FBN3: variants seen among roughly 807,000 people sequenced by gnomAD.
FBN3 encodes fibrillin 3, also known as fibrillin-3.
Under a neutral mutation model 330.1 loss-of-function variants are expected in FBN3, and 234 were observed. The ratio of observed to expected loss-of-function variants is 0.71; its 90% CI spans 0.64 to 0.79. FBN3 has a LOEUF of 0.79. Ranked by LOEUF, FBN3 falls within the 30% of genes least tolerant of loss-of-function variation. FBN3 has a pLI of 0.00. For synonymous variants in FBN3, 1,458 were observed against 1,517.3 expected (o/e 0.96, Z 0.91); for missense variants, 3,606 against 3,886.9 (o/e 0.93, Z 1.92).
chr19:8,099,733 A>G (rs1172803507), intron 41 of FBN3, among the ~76,000 whole-genome samples: 2 of 152,020 alleles, frequency 1.3e-5, no homozygotes, highest in African/African-American at 4.8e-5. Flanking sequence ...TATTCTGGCC[A>G]GGCTCAGTGG....
rs1408825398 is a variant in FBN3 at position 8,096,983 on chromosome 19, C to A, written c.5311G>T (p.Glu1771Ter). 3 of 1,613,576 alleles carry A rather than the reference C, an allele frequency of 1.9e-6. No individual in the cohort carries two copies. Among genetic ancestry groups the A allele is most frequent in the Non-Finnish European group, 2.5e-6 (3 of 1,180,000 alleles). Residue 1771 changes from glutamate to a stop codon, truncating the protein, a stop_gained, in exon 43 of 64, where the codon GAG (glutamate) becomes TAG (stop). Transcript: ENST00000600128. LOFTEE classifies it high-confidence loss of function. This position sits in a 1 kb window ranked among gnomAD's most constrained non-coding sequence, Gnocchi z 4.6. ...CEDVDECGSR[E>*]SPCQQNADCI... ...TCAGCATTCTGCTGGCAGGGACTCT[C>A]CCTGCTGCCACACTCATCGACATCT...
chr19:8,071,634 A>AG (rs34562607), intron 63 of FBN3, among the ~76,000 whole-genome samples: 47,647 of 152,070 alleles, frequency 0.31, 9,025 homozygotes, highest in Middle Eastern at 0.45. Flanking sequence ...AAATCCCAAA[A>AG]GGTCCCAAGG....
Position 8,075,422 on chromosome 19 carries a change from G to T in FBN3, c.7454-11C>A. The T allele has an allele frequency of 6.2e-7, 1 of 1,609,286 alleles. No homozygotes were observed. Among genetic ancestry groups the T allele is most frequent in the South Asian group, 1.1e-5 (1 of 90,772 alleles). On this transcript the variant is annotated splice_polypyrimidine_tract_variant and intron_variant, in intron 59 of 63. Transcript: ENST00000600128. The stretch of plus-strand genomic sequence containing the variant: ...AGCACTCATCATTGTCTGCAGAGGA[G>T]AGAGATCAGGCAGGGTTGCCTGCTG...
chr19:8,143,778 C>G (rs571284365), intron 6 of FBN3, among the ~76,000 whole-genome samples: 46,121 of 149,792 alleles, frequency 0.31, 7,827 homozygotes, highest in South Asian at 0.48. Flanking sequence ...CAGGCATGAG[C>G]CACAGTGCCT....
In FBN3 at chr19:8,130,608, GAAA is replaced by G. The variant is rs1333765803; in HGVS notation, c.2044+624_2044+626del. 5.0e-3 allele frequency among the ~76,000 whole-genome samples: 41 copies of G among 8,160 alleles called. 12 individuals carry two copies. The highest frequency in any genetic ancestry group is 0.019 in the African/African-American group (20 of 1,036). The allele number at this position is 8,160 out of a possible 152,430, so 5.4% of individuals were successfully genotyped here. On this transcript the variant is annotated intron_variant, in intron 16 of 63. Transcript: ENST00000600128. The stretch of plus-strand genomic sequence containing the variant: ...TGAAAGAAAGAAAGAAAGAAAGAAA[GAAA>G]GAAAGAAAGAAAGAAAGAAAGAAAG...
At chr19:8,067,245 C>G (rs530302894) in intron 63 of FBN3, among the ~76,000 whole-genome samples, 1 of 151,690 alleles carries the variant, frequency 6.6e-6, no homozygotes, top group East Asian at 1.9e-4. Context: ...CCTGCCTCAG[C>G]CTCCCAAGTA....
In FBN3 at chr19:8,129,320, ACGCCATTGG is replaced by A. The variant is rs779993932; in HGVS notation, c.2081_2089del (p.Ala694_Gly696del). 2 of 1,614,186 alleles carry A rather than the reference ACGCCATTGG, an allele frequency of 1.2e-6. No homozygotes were observed. Among genetic ancestry groups the A allele is most frequent in the South Asian group, 2.2e-5 (2 of 91,086 alleles). Reference sequence around the variant, plus strand: ...GTAGCTGCCCCGAAGGTTCTCGCACACGCCATTGGCACAAACCTCAGGATCCAGAGCACA... The same window carrying A: ...GTAGCTGCCCCGAAGGTTCTCGCACACACAAACCTCAGGATCCAGAGCACA... On this transcript the variant is annotated inframe_deletion, in exon 17 of 64. Coordinates refer to ENST00000600128, the MANE Select transcript of FBN3 (RefSeq NM_032447.5). This position sits in a 1 kb window ranked among gnomAD's most constrained non-coding sequence, Gnocchi z 4.5.
intron 33 of FBN3, 35 bp downstream of exon 33, chr19:8,111,023 C>T (rs2082568363): frequency 6.2e-7 from 1 of 1,613,828 alleles, no homozygotes; most frequent in Non-Finnish European, 8.5e-7. Flanking sequence ...GGGACCTACC[C>T]ACTCTGTCCT....
intron 21 of FBN3, 22 bp from the exon 22 acceptor site, chr19:8,126,039 C>T: frequency 6.2e-7 from 1 of 1,613,690 alleles, no homozygotes; most frequent in Non-Finnish European, 8.5e-7. Context: ...GGAGGGAAAG[C>T]CGGAGGGTCC....
Position 8,118,967 on chromosome 19 carries a change from G to A in FBN3, c.3267C>T (p.Asn1089=). ...ACTGGCACTTGTAGCTCCCATCCGTGTTGGTGCAAGTGCCTCCCCGGCAGA... is the reference window on the plus strand; with the variant it reads ...ACTGGCACTTGTAGCTCCCATCCGTATTGGTGCAAGTGCCTCCCCGGCAGA... ...PLLCRGGTCT[N]TDGSYKCQCP... The change falls in exon 26 of 64, where the codon AAC becomes AAT. Residue 1089 remains asparagine (N), a synonymous_variant. Coordinates refer to ENST00000600128, the MANE Select transcript of FBN3 (RefSeq NM_032447.5). 1 of 1,612,670 alleles carries A rather than the reference G, an allele frequency of 6.2e-7. No individual in the cohort carries two copies. The highest frequency in any genetic ancestry group is 8.5e-7 in the Non-Finnish European group (1 of 1,178,774).
chr19:8,132,446 G>T (rs932731334), intron 14 of FBN3, among the ~76,000 whole-genome samples: 6 of 151,912 alleles, frequency 3.9e-5, no homozygotes, highest in African/African-American at 1.5e-4. Flanking sequence ...CTCCCAAAGT[G>T]CTGGGATCAC....
At position 8,075,422 on chromosome 19, in the gene FBN3, G is replaced by A. The variant is rs2081618114; in HGVS notation, c.7454-11C>T. The stretch of plus-strand genomic sequence containing the variant: ...AGCACTCATCATTGTCTGCAGAGGA[G>A]AGAGATCAGGCAGGGTTGCCTGCTG... On this transcript the variant is annotated splice_polypyrimidine_tract_variant and intron_variant, in intron 59 of 63. Transcript: ENST00000600128. The A allele has an allele frequency of 6.2e-7, 1 of 1,609,168 alleles. No homozygotes were observed. Among genetic ancestry groups the A allele is most frequent in the African/African-American group, 1.3e-5 (1 of 74,854 alleles).
Position 8,138,195 on chromosome 19 carries a change from G to A in FBN3, c.1147C>T (p.His383Tyr), listed in dbSNP as rs2083330251. The change falls in exon 10 of 64, where the codon CAT (histidine) becomes TAT (tyrosine). Residue 383 changes from histidine to tyrosine, a missense_variant. Transcript: ENST00000600128. ...PPLGPARLNP[H>Y]GSDARGIPSL... ...GGGATCCCACGCGCATCAGAGCCAT[G>A]GGGGTTGAGTCGCGCTGGCCCAAGA... 2 of 1,613,076 alleles carry A rather than the reference G, an allele frequency of 1.2e-6. No homozygotes were observed. The highest frequency in any genetic ancestry group is 8.5e-7 in the Non-Finnish European group (1 of 1,179,678).
chr19:8,139,947 T>G (rs2083374665), intron 8 of FBN3, among the ~76,000 whole-genome samples: 1 of 151,820 alleles, frequency 6.6e-6, no homozygotes, highest in Non-Finnish European at 1.5e-5. Flanking sequence ...CCCTTGCACC[T>G]GGGGGCCCCC....
chr19:8,116,286 GTC>G (rs1274393754), intron 29 of FBN3, among the ~76,000 whole-genome samples: 14 of 152,236 alleles, frequency 9.2e-5, no homozygotes, highest in African/African-American at 3.1e-4. Context: ...AGAGTTCTGA[GTC>G]TCTTTCCTGC....
intron 13 of FBN3, among the ~76,000 whole-genome samples, chr19:8,135,513 G>GTGAT (rs1160530793): frequency 5.3e-5 from 8 of 151,768 alleles, no homozygotes; most frequent in Non-Finnish European, 1.0e-4. Flanking sequence ...CCTGACCTCG[G>GTGAT]CCTCCCAAAG....
intron 7 of FBN3, 23 bp from the exon 8 acceptor site, chr19:8,141,865 G>C (rs747120683): frequency 7.4e-6 from 12 of 1,612,876 alleles, no homozygotes; most frequent in Admixed American, 1.7e-5. Context: ...AGCCCGGCAG[G>C]GGAGTGAGAG....
At chr19:8,114,829 C>T (rs1023731026) in intron 30 of FBN3, among the ~76,000 whole-genome samples, 6 of 151,962 alleles carry the variant, frequency 3.9e-5, no homozygotes, top group African/African-American at 1.4e-4. Flanking sequence ...GCAAGCTTCG[C>T]CTCCTGGGTT....
intron 57 of FBN3, among the ~76,000 whole-genome samples, chr19:8,082,972 C>A (rs1256309065): frequency 1.3e-5 from 2 of 151,994 alleles, no homozygotes; most frequent in Non-Finnish European, 2.9e-5. Context: ...CTACAGGCCA[C>A]CATCCTGGCT....
Sources: gnomAD v4.1 joint callset for allele counts (sites outside exome capture counted in the v4.1 genomes callset) on GRCh38, gnomAD v4.1.1 for gene constraint, Gnocchi (gnomAD v3.1) non-coding constraint, MANE v1.5 for transcripts, NCBI Gene and HGNC (gene_info 2026-07-23, HGNC 2026-07-21) for gene names.